CPAMD8: variants seen among roughly 807,000 people sequenced by gnomAD.
CPAMD8 encodes C3 and PZP-like alpha-2-macroglobulin domain-containing protein 8.
In CPAMD8, 146 loss-of-function variants were observed where a neutral mutation model predicts 224.7. That is an observed-to-expected ratio of 0.65 (90% CI 0.57 to 0.75). The LOEUF (loss-of-function observed/expected upper bound fraction) is 0.75, where lower values mean the gene tolerates loss of function less well. CPAMD8 is among the 30% of genes least tolerant of loss of function. The pLI, the probability that CPAMD8 is intolerant of heterozygous loss-of-function variation, is 0.00. For missense variants in CPAMD8, 2,301 were observed against 2,537.5 expected (o/e 0.91, Z 2.00); for synonymous variants, 966 against 1,044.6 (o/e 0.92, Z 1.45).
intron 22 of CPAMD8, 24 bp downstream of exon 22, chr19:16,945,525 C>G (rs2054041099): frequency 6.2e-7 from 1 of 1,610,406 alleles, no homozygotes; most frequent in Non-Finnish European, 8.5e-7. Context: ...TGGCTAAGCA[C>G]CAGAGATGAG....
At chr19:17,022,450 G>A (rs187003058) in intron 1 of CPAMD8, among the ~76,000 whole-genome samples, 15 of 151,672 alleles carry the variant, frequency 9.9e-5, no homozygotes, top group Admixed American at 3.9e-4. Context: ...TCTCTATTCC[G>A]GCCTCCAGCC....
chr19:16,961,172 GGTACA>G (rs1422441375), intron 18 of CPAMD8, among the ~76,000 whole-genome samples: 1 of 152,180 alleles, frequency 6.6e-6, no homozygotes, highest in Admixed American at 6.5e-5. Flanking sequence ...TTGGACAGTG[GGTACA>G]GCCCATGAAG....
chr19:16,989,652 G>A lies in CPAMD8; in HGVS notation c.1386C>T (p.His462=), dbSNP rs2122885312. 1 of 1,613,918 alleles carries A rather than the reference G, an allele frequency of 6.2e-7. No individual in the cohort carries two copies. The highest frequency in any genetic ancestry group is 8.5e-7 in the Non-Finnish European group (1 of 1,179,878). ...QCYLQLQPPS[H]PLQVGEEAYF... is the part of the protein sequence containing the mutation. ...CTCCTGAAAATCTTACCTGCAGTGG[G>A]TGGGAGGGTGGCTGCAGCTGCAGGT... is the stretch of plus-strand genomic sequence containing the variant. The change falls in exon 13 of 42, where the codon CAC becomes CAT. Residue 462 remains histidine, a synonymous_variant. Transcript: ENST00000443236.
chr19:17,017,234 C>T (rs556049732), intron 3 of CPAMD8, among the ~76,000 whole-genome samples: 1 of 152,154 alleles, frequency 6.6e-6, no homozygotes, highest in African/African-American at 2.4e-5. Context: ...TCACATCACC[C>T]CCAGGTGGGA....
intron 17 of CPAMD8, among the ~76,000 whole-genome samples, chr19:16,974,468 G>A (rs369669918): frequency 6.6e-6 from 1 of 151,698 alleles, no homozygotes; most frequent in South Asian, 2.1e-4. Flanking sequence ...CAAAGCCGAG[G>A]CAGAGCTAAG....
rs776485320 is a variant in CPAMD8 at position 17,011,573 on chromosome 19, A to G, written c.433+19T>C. 6.8e-6 allele frequency: 11 copies of G among 1,614,080 alleles called. No homozygotes were observed. Among genetic ancestry groups the G allele is most frequent in the Non-Finnish European group, 9.3e-6 (11 of 1,180,048 alleles). ...CCAGACCATGGCCGGCCCTCCCTGC[A>G]TCCATGCTGGCCACTCACCTCGGTG... On this transcript the variant is annotated intron_variant, in intron 4 of 41. Transcript: ENST00000443236.
chr19:16,984,330 A>AAG (rs770216662), intron 13 of CPAMD8, among the ~76,000 whole-genome samples: 2,556 of 132,360 alleles, frequency 0.019, 46 homozygotes, highest in Non-Finnish European at 0.03. Context: ...AAAAAAAAAA[A>AAG]AGAGAGAGAG....
At chr19:16,981,170 T>C (rs147912676) in intron 13 of CPAMD8, among the ~76,000 whole-genome samples, 1 of 151,946 alleles carries the variant, frequency 6.6e-6, no homozygotes, top group Non-Finnish European at 1.5e-5. Flanking sequence ...CTGAGCAACA[T>C]AGTGAGACCC....
At chr19:17,018,717 T>TAC (rs367984655) in intron 3 of CPAMD8, among the ~76,000 whole-genome samples, 8,040 of 136,704 alleles carry the variant, frequency 0.059, 272 homozygotes, top group South Asian at 0.15. Context: ...CTACTAAAAA[T>TAC]ACACACACAC....
At chr19:16,913,735 T>C (rs2052817397) in intron 29 of CPAMD8, among the ~76,000 whole-genome samples, 2 of 152,104 alleles carry the variant, frequency 1.3e-5, no homozygotes, top group Admixed American at 6.5e-5. Flanking sequence ...GTGGGGGCGG[T>C]CTTAGGTCAC....
intron 7 of CPAMD8, among the ~76,000 whole-genome samples, chr19:17,007,708 G>C (rs930340947): frequency 1.3e-5 from 2 of 152,090 alleles, no homozygotes; most frequent in African/African-American, 4.8e-5. Flanking sequence ...CCCTCTCCTG[G>C]GGCATCACAC....
intron 32 of CPAMD8, 140 bp downstream of exon 32, chr19:16,904,086 C>T: frequency 1.9e-6 from 2 of 1,051,156 alleles, no homozygotes; most frequent in Non-Finnish European, 2.7e-6. Context: ...CTGTCCCTCA[C>T]CCCCAACCCC....
At chr19:16,924,366 C>T (rs1483868137) in intron 26 of CPAMD8, among the ~76,000 whole-genome samples, 1 of 152,018 alleles carries the variant, frequency 6.6e-6, no homozygotes, top group Admixed American at 6.6e-5. Flanking sequence ...CTGTTATTCA[C>T]GAGGAGGGCT....
intron 39 of CPAMD8, chr19:16,896,941 C>T (rs1599642941): frequency 3.0e-6 from 1 of 330,042 alleles, no homozygotes; most frequent in Non-Finnish European, 5.5e-6. Context: ...CCTGCAACAA[C>T]AGCCCCGTCC....
intron 36 of CPAMD8, 49 bp downstream of exon 36, chr19:16,901,161 C>T (rs1439022254): frequency 4.4e-6 from 6 of 1,372,406 alleles, no homozygotes; most frequent in African/African-American, 4.3e-5. Flanking sequence ...TAAGCCCTAC[C>T]TATTGTTCAG....
intron 30 of CPAMD8, among the ~76,000 whole-genome samples, chr19:16,906,531 G>T (rs1416099966): frequency 6.6e-6 from 1 of 151,300 alleles, no homozygotes; most frequent in Admixed American, 6.6e-5. Context: ...AGCCTCCCGA[G>T]TAGCTGGGGT....
intron 18 of CPAMD8, among the ~76,000 whole-genome samples, chr19:16,960,354 G>A (rs149939150): frequency 2.2e-4 from 33 of 152,148 alleles, no homozygotes; most frequent in East Asian, 7.7e-4. Flanking sequence ...GTGGTTCATC[G>A]TGGCACTAGG....
At position 17,008,496 on chromosome 19, in the gene CPAMD8, G is replaced by A. The variant is rs371199551; in HGVS notation, c.559+9C>T. The A allele has an allele frequency of 1.4e-4, 233 of 1,612,522 alleles. No individual in the cohort carries two copies. Among genetic ancestry groups the A allele is most frequent in the Non-Finnish European group, 1.8e-4 (212 of 1,180,034 alleles). On this transcript the variant is annotated intron_variant, in intron 7 of 41. Transcript: ENST00000443236. ...CTGCAGCCCCCAAGCCGCAGAGGAA[G>A]AAACTTACCGCAGCAGAACGGCTTT...
chr19:16,994,787 G>A lies in CPAMD8; in HGVS notation c.1096-1201C>T, dbSNP rs138794264. ...CTCCCACCTTGGTCTCCCAAAGTGT[G>A]AGCCACAAACGTCTGGCCTATTTCT... On this transcript the variant is annotated intron_variant, in intron 11 of 41. Transcript: ENST00000443236. Among the ~76,000 whole-genome samples, 319 of 152,086 alleles carry A rather than the reference G, an allele frequency of 2.1e-3. 1 individual carries two copies. The highest frequency in any genetic ancestry group is 7.5e-3 in the African/African-American group (312 of 41,486).
Sources: gnomAD v4.1 joint callset for allele counts (sites outside exome capture counted in the v4.1 genomes callset) on GRCh38, gnomAD v4.1.1 for gene constraint, MANE v1.5 for transcripts, NCBI Gene and HGNC (gene_info 2026-07-23, HGNC 2026-07-21) for gene names.